NINL: variants seen among roughly 807,000 people sequenced by gnomAD.
NINL encodes ninein like, also known as ninein-like protein.
NINL carries 153 observed loss-of-function variants against 160.3 expected under a neutral mutation model. That is an observed-to-expected ratio of 0.95 (90% CI 0.84 to 1.09). NINL has a LOEUF of 1.09. Among genes scored for constraint, NINL ranks in the 50% least tolerant of loss-of-function variants. The pLI is 0.00. For missense variants in NINL, 1,829 were observed against 1,764.0 expected (o/e 1.04, Z -0.66); for synonymous variants, 800 against 734.8 (o/e 1.09, Z -1.43).
rs6083874 is a variant in NINL at position 25,517,118 on chromosome 20, G to A, written c.277+635C>T. On this transcript the variant is annotated intron_variant, in intron 3 of 23. Transcript: ENST00000278886. ...TGAGCCTGGTCCCTTCCGCTTTCCC[G>A]TCCTCTGTCCCAAACCCTGTGACAG... Among the ~76,000 whole-genome samples, 990 of 152,008 alleles carry A rather than the reference G, an allele frequency of 6.5e-3. 7 individuals carry two copies. Among genetic ancestry groups the A allele is most frequent in the Non-Finnish European group, 0.011 (780 of 67,974 alleles).
At chr20:25,481,221 G>T (rs552335442) in intron 14 of NINL, among the ~76,000 whole-genome samples, 7 of 152,160 alleles carry the variant, frequency 4.6e-5, no homozygotes, top group Non-Finnish European at 8.8e-5. Context: ...TTGCCATGAC[G>T]GGGGAGCGAG....
chr20:25,453,386 A>G lies in NINL; in HGVS notation c.*65T>C, dbSNP rs771420329. The G allele has an allele frequency of 2.4e-5, 34 of 1,429,726 alleles. No individual in the cohort carries two copies. Among genetic ancestry groups the G allele is most frequent in the Non-Finnish European group, 3.2e-5 (33 of 1,044,796 alleles). The allele number at this position is 1,429,726 out of a possible 1,614,324, so 88.6% of individuals were successfully genotyped here. A position where few individuals can be genotyped will look rare whatever the true frequency, so the allele number is the denominator to read the frequency against. On this transcript the variant is annotated 3_prime_UTR_variant, in exon 24 of 24. Transcript: ENST00000278886. ...TCATGGCTCATGACCCACGGAATCTAAGGCAGCACAGTGGCTTAATTTAAA... is the reference window on the plus strand; with the variant it reads ...TCATGGCTCATGACCCACGGAATCTGAGGCAGCACAGTGGCTTAATTTAAA...
intron 1 of NINL, among the ~76,000 whole-genome samples, chr20:25,545,476 C>G (rs1328786488): frequency 2.6e-5 from 1 of 38,360 alleles, no homozygotes; most frequent in African/African-American, 7.3e-5. Context: ...AAATTCTGAG[C>G]CCCCCCCCAT....
chr20:25,477,759 G>A (rs1390988315), intron 16 of NINL, among the ~76,000 whole-genome samples: 3 of 152,148 alleles, frequency 2.0e-5, no homozygotes, highest in African/African-American at 7.2e-5. Context: ...CTCCGGGTGG[G>A]GGCCAGGTGC....
chr20:25,514,329 G>A (rs2064126695), intron 3 of NINL, among the ~76,000 whole-genome samples: 1 of 152,202 alleles, frequency 6.6e-6, no homozygotes, highest in Non-Finnish European at 1.5e-5. Flanking sequence ...ATGATTTGGA[G>A]TATCTGATGG....
chr20:25,518,863 C>T (rs1411254123), intron 2 of NINL, among the ~76,000 whole-genome samples: 5 of 151,740 alleles, frequency 3.3e-5, no homozygotes, highest in South Asian at 2.1e-4. Context: ...TTTGGGAGGC[C>T]GAGGCAGGTG....
At chr20:25,512,574 C>A (rs1353107400) in intron 4 of NINL, among the ~76,000 whole-genome samples, 1 of 152,170 alleles carries the variant, frequency 6.6e-6, no homozygotes, top group Admixed American at 6.5e-5. Context: ...CCCAGCCATG[C>A]CTCCTGCACA....
rs2063934545 is a variant in NINL at position 25,504,955 on chromosome 20, C to T, written c.641G>A (p.Gly214Glu). Reference protein sequence around the residue: ...VWEELGVGSSGHLSEQELAVV... With the variant: ...VWEELGVGSSEHLSEQELAVV... ...AGCCAGCTCCTGCTCGCTCAGGTGT[C>T]CGCTGCTGCCCACCCCCAGCTCTTC... The change falls in exon 6 of 24, where the codon GGA becomes GAA. Residue 214 changes from glycine (G) to glutamate (E), a missense_variant. Transcript: ENST00000278886. 6.2e-7 allele frequency: 1 copy of T among 1,612,942 alleles called. No homozygotes were observed. The highest frequency in any genetic ancestry group is 1.3e-5 in the African/African-American group (1 of 74,884).
chr20:25,477,017 G>A lies in NINL; in HGVS notation c.2274C>T (p.Thr758=). The change falls in exon 17 of 24, where the codon ACC becomes ACT. Residue 758 remains threonine (T), a synonymous_variant. Coordinates refer to ENST00000278886, the MANE Select transcript of NINL (RefSeq NM_025176.6). The part of the protein sequence containing the change: ...LGALPARRDL[T]LELEEPPQGP... ...CCTGCGGCGGCTCCTCCAGCTCCAAGGTCAGGTCTCTGCGAGCGGGCAGGG... is the reference window on the plus strand; with the variant it reads ...CCTGCGGCGGCTCCTCCAGCTCCAAAGTCAGGTCTCTGCGAGCGGGCAGGG... 1.2e-6 allele frequency: 2 copies of A among 1,600,956 alleles called. No individual in the cohort carries two copies. Among genetic ancestry groups the A allele is most frequent in the Non-Finnish European group, 1.7e-6 (2 of 1,179,754 alleles).
rs148250007 is a variant in NINL at position 25,531,840 on chromosome 20, G to A, written c.-11-5242C>T. ...TAAAAAAGGGATCTCTTCATCTCCCGGCTGTGGGCAAGTCCTGCACCTAAG... is the reference window on the plus strand; with the variant it reads ...TAAAAAAGGGATCTCTTCATCTCCCAGCTGTGGGCAAGTCCTGCACCTAAG... On this transcript the variant is annotated intron_variant, in intron 1 of 23. Coordinates refer to ENST00000278886, the MANE Select transcript of NINL (RefSeq NM_025176.6). Among the ~76,000 whole-genome samples, 9 of 152,266 alleles carry A rather than the reference G, an allele frequency of 5.9e-5. No individual in the cohort carries two copies. The East Asian group carries it at 1.2e-3, about 20-fold the overall frequency.
At chr20:25,561,681 C>T (rs1025392460) in intron 1 of NINL, among the ~76,000 whole-genome samples, 32 of 150,134 alleles carry the variant, frequency 2.1e-4, no homozygotes, top group African/African-American at 6.1e-4. Flanking sequence ...GCCTCTGCCC[C>T]GCCGCCCCGT....
chr20:25,566,803 AAACAACAACAAC>A (rs141901438), intron 1 of NINL, among the ~76,000 whole-genome samples: 2 of 151,766 alleles, frequency 1.3e-5, no homozygotes, highest in East Asian at 3.9e-4. Context: ...TAAAACAAAC[AAACAACAACAAC>A]AACAACAACA....
chr20:25,548,831 C>G, intron 1 of NINL, among the ~76,000 whole-genome samples: 1 of 147,182 alleles, frequency 6.8e-6, no homozygotes, highest in East Asian at 2.1e-4. Context: ...ATGGCCACAC[C>G]TCCCACATCC....
intron 13 of NINL, among the ~76,000 whole-genome samples, chr20:25,486,115 C>T (rs889365344): frequency 2.6e-5 from 4 of 152,198 alleles, no homozygotes; most frequent in African/African-American, 4.8e-5. Flanking sequence ...GAAATGTGAA[C>T]AGTTGCATGT....
rs1555856580 is a variant in NINL at position 25,491,343 on chromosome 20, G to A, written c.1485+8C>T. 6.3e-6 allele frequency: 10 copies of A among 1,599,642 alleles called. No homozygotes were observed. The South Asian group carries it at 1.1e-4, about 18-fold the overall frequency. On this transcript the variant is annotated splice_region_variant and intron_variant, in intron 11 of 23. Coordinates refer to ENST00000278886, the MANE Select transcript of NINL (RefSeq NM_025176.6). ...CCAGCTTCCTGGATGCCCTGGGGATGCCCCTACCTTCAGGGCCAGGGTCAG... is the reference window on the plus strand; with the variant it reads ...CCAGCTTCCTGGATGCCCTGGGGATACCCCTACCTTCAGGGCCAGGGTCAG...
intron 17 of NINL, among the ~76,000 whole-genome samples, chr20:25,472,839 G>C (rs1036966332): frequency 6.6e-6 from 1 of 152,166 alleles, no homozygotes; most frequent in Admixed American, 6.5e-5. Context: ...TGAACAAAAA[G>C]AAAACTATGC....
intron 1 of NINL, among the ~76,000 whole-genome samples, chr20:25,583,934 G>A (rs888911744): frequency 2.6e-5 from 4 of 152,150 alleles, no homozygotes; most frequent in African/African-American, 9.7e-5. Context: ...GAGAACACAT[G>A]GACACAGGGA....
chr20:25,548,750 C>T (rs1308063901), intron 1 of NINL, among the ~76,000 whole-genome samples: 4 of 145,548 alleles, frequency 2.7e-5, no homozygotes, highest in African/African-American at 1.0e-4. Flanking sequence ...CCGGCCTCAC[C>T]CAGGGCTGAC....
intron 1 of NINL, among the ~76,000 whole-genome samples, chr20:25,527,464 T>G (rs903860467): frequency 6.6e-6 from 1 of 152,190 alleles, no homozygotes; most frequent in Non-Finnish European, 1.5e-5. Context: ...AGATTAATTT[T>G]TCTGTACACA....
Sources: allele counts gnomAD v4.1 joint callset (sites outside exome capture counted in the v4.1 genomes callset), GRCh38; gene constraint gnomAD v4.1.1; transcripts MANE v1.5; gene names NCBI Gene and HGNC (gene_info 2026-07-23, HGNC 2026-07-21).